The following RASGRF2 variants were observed in gnomAD, a reference collection of about 807,000 sequenced individuals.
RASGRF2 encodes ras-specific guanine nucleotide-releasing factor 2.
A neutral mutation model predicts 151.0 loss-of-function variants in RASGRF2; 76 were observed. The ratio of observed to expected loss-of-function variants is 0.50; its 90% confidence interval spans 0.42 to 0.61. The LOEUF is 0.61. Ranked by LOEUF, RASGRF2 falls within the 20% of genes least tolerant of loss-of-function variation. The pLI is 0.00. For synonymous variants in RASGRF2, 504 were observed against 566.5 expected (o/e 0.89, Z 1.57); for missense variants, 1,148 against 1,564.6 (o/e 0.73, Z 4.49).
chr5:81,015,423 A>G (rs1749598333), intron 1 of RASGRF2, among the ~76,000 whole-genome samples: 1 of 152,304 alleles, frequency 6.6e-6, no homozygotes, highest in African/African-American at 2.4e-5. Context: ...ATAAATAAAT[A>G]ATAAACAAAG....
At chr5:81,189,065 G>A (rs868601210) in intron 18 of RASGRF2, among the ~76,000 whole-genome samples, 15 of 152,350 alleles carry the variant, frequency 9.8e-5, no homozygotes, top group Middle Eastern at 3.4e-3. Flanking sequence ...ACTTGCTAAA[G>A]GCTGGTGCAG....
At chr5:80,987,469 A>G (rs563519820) in intron 1 of RASGRF2, among the ~76,000 whole-genome samples, 29 of 152,328 alleles carry the variant, frequency 1.9e-4, no homozygotes, top group African/African-American at 6.7e-4. Context: ...ATTCAACACT[A>G]ATTTTATTTC....
At chr5:81,125,395 A>C (rs1202499211) in intron 16 of RASGRF2, among the ~76,000 whole-genome samples, 2 of 152,186 alleles carry the variant, frequency 1.3e-5, no homozygotes, top group East Asian at 3.8e-4. Context: ...TGGGGCTTTA[A>C]GGCTCCAAGT....
intron 17 of RASGRF2, among the ~76,000 whole-genome samples, chr5:81,157,237 C>T (rs919268437): frequency 2.6e-5 from 4 of 151,368 alleles, no homozygotes; most frequent in East Asian, 3.9e-4. Context: ...GCCTGTAGTC[C>T]CAGCTACTCG....
At chr5:80,991,886 G>C (rs1748662963) in intron 1 of RASGRF2, among the ~76,000 whole-genome samples, 1 of 152,168 alleles carries the variant, frequency 6.6e-6, no homozygotes, top group Non-Finnish European at 1.5e-5. Flanking sequence ...GGAGGCAAAA[G>C]GCCCTTAGGT....
chr5:81,074,548 A>G (rs752723854), intron 5 of RASGRF2, among the ~76,000 whole-genome samples: 11 of 152,130 alleles, frequency 7.2e-5, no homozygotes, highest in Non-Finnish European at 1.5e-4. Flanking sequence ...CTCAATTTTG[A>G]TCTAAGAAAC....
chr5:81,083,087 A>C (rs1752130518), intron 7 of RASGRF2, among the ~76,000 whole-genome samples: 1 of 151,752 alleles, frequency 6.6e-6, no homozygotes, highest in South Asian at 2.1e-4. Flanking sequence ...TACTAAGCTC[A>C]CTCTCTCCTT....
intron 1 of RASGRF2, among the ~76,000 whole-genome samples, chr5:81,011,690 G>A (rs576378299): frequency 2.0e-5 from 3 of 151,750 alleles, no homozygotes; most frequent in African/African-American, 7.3e-5. Context: ...GCCATGAGCT[G>A]AGATCGAGCC....
rs780986253 is a variant in RASGRF2 at position 81,113,878 on chromosome 5, C to T, written c.2428C>T (p.Arg810Cys). The T allele has an allele frequency of 1.3e-5, 21 of 1,614,164 alleles. No individual in the cohort carries two copies. Among genetic ancestry groups the T allele is most frequent in the Non-Finnish European group, 1.5e-5 (18 of 1,180,024 alleles). ...GGTAGAAGAGAATGTCGATAACCCA[C>T]GCGTGGATCTGTGTAACAAGCTAAA... ...GTVEENVDNP[R>C]VDLCNKLKRS... The change falls in exon 15 of 27, where the codon CGC becomes TGC. Residue 810 changes from arginine to cysteine, a missense_variant. Physicochemically the swap from Arg to Cys is radical, Grantham distance 180. Transcript: ENST00000265080.
chr5:81,211,146 G>GAA (rs34983763), intron 22 of RASGRF2, among the ~76,000 whole-genome samples: 192 of 126,412 alleles, frequency 1.5e-3, no homozygotes, highest in Admixed American at 2.1e-3. Context: ...CCTGTCTCCA[G>GAA]AAAAAAAAAA....
At chr5:81,184,533 A>G (rs1171859747) in intron 18 of RASGRF2, among the ~76,000 whole-genome samples, 2 of 152,238 alleles carry the variant, frequency 1.3e-5, no homozygotes, top group Non-Finnish European at 2.9e-5. Flanking sequence ...TTCACAGACC[A>G]TGAATGACGC....
intron 1 of RASGRF2, among the ~76,000 whole-genome samples, chr5:81,013,827 A>G (rs1398082475): frequency 1.3e-5 from 2 of 152,034 alleles, no homozygotes; most frequent in Admixed American, 1.3e-4. Flanking sequence ...CCAGTGTTGT[A>G]TCGGTGTTCC....
intron 15 of RASGRF2, among the ~76,000 whole-genome samples, chr5:81,118,818 C>G (rs1753229114): frequency 6.6e-6 from 1 of 151,692 alleles, no homozygotes; most frequent in Non-Finnish European, 1.5e-5. Flanking sequence ...TATCCTAGTT[C>G]ATTACTCTGA....
chr5:81,109,702 T>G (rs1046738728), intron 13 of RASGRF2, among the ~76,000 whole-genome samples: 2 of 152,122 alleles, frequency 1.3e-5, no homozygotes, highest in Non-Finnish European at 2.9e-5. Flanking sequence ...GTTTTGTGCC[T>G]GATCAGTTGT....
At chr5:81,041,840 C>A (rs1007697611) in intron 1 of RASGRF2, among the ~76,000 whole-genome samples, 1 of 152,162 alleles carries the variant, frequency 6.6e-6, no homozygotes, top group Admixed American at 6.5e-5. Flanking sequence ...CTCCCTCATG[C>A]GATTCCTTTG....
chr5:81,030,766 C>T (rs987373785), intron 1 of RASGRF2, among the ~76,000 whole-genome samples: 3 of 152,202 alleles, frequency 2.0e-5, no homozygotes, highest in African/African-American at 7.2e-5. Flanking sequence ...AACCAGCTAA[C>T]ATCATAATGA....
At chr5:81,185,905 T>A (rs191813959) in intron 18 of RASGRF2, among the ~76,000 whole-genome samples, 1 of 152,334 alleles carries the variant, frequency 6.6e-6, no homozygotes, top group African/African-American at 2.4e-5. Context: ...CATTGGTGCC[T>A]GCCCAGAACT....
chr5:81,092,986 A>G (rs1359316957), intron 10 of RASGRF2, 25 bp downstream of exon 10: 4 of 1,575,830 alleles, frequency 2.5e-6, no homozygotes, highest in East Asian at 2.2e-5. Flanking sequence ...TAACTGTTCC[A>G]TTTATCTTCC....
At chr5:81,188,751 G>A (rs1242821172) in intron 18 of RASGRF2, among the ~76,000 whole-genome samples, 1 of 152,192 alleles carries the variant, frequency 6.6e-6, no homozygotes, top group Non-Finnish European at 1.5e-5. Context: ...TGGGGAAATG[G>A]AAGCTCAGAC....
Sources: allele counts gnomAD v4.1 joint callset (sites outside exome capture counted in the v4.1 genomes callset), GRCh38; gene constraint gnomAD v4.1.1; transcripts MANE v1.5; gene names NCBI Gene and HGNC (gene_info 2026-07-23, HGNC 2026-07-21).